DGKH: variants seen among roughly 807,000 people sequenced by gnomAD.
DGKH encodes the protein diacylglycerol kinase eta.
A neutral mutation model predicts 159.3 loss-of-function variants in DGKH; 90 were observed. The observed-to-expected ratio is 0.57, with a 90% CI of 0.48 to 0.67. The LOEUF is 0.67. Among genes scored for constraint, DGKH ranks in the 30% least tolerant of loss-of-function variants. The pLI is 0.00. For missense variants in DGKH, 1,181 were observed against 1,506.1 expected (o/e 0.78, Z 3.57); for synonymous variants, 536 against 553.8 (o/e 0.97, Z 0.45).
rs562261930 is a variant in DGKH, at chr13:42,210,720, C to T, written c.2969C>T (p.Ser990Leu). 2.5e-5 allele frequency: 41 copies of T among 1,612,368 alleles called. No individual in the cohort carries two copies. The East Asian group carries it at 6.9e-4, about 27-fold the overall frequency. ...HAIDLATEEV[S>L]QMQLCSQAAE... is the part of the protein sequence containing the mutation. ...ATTGACTTGGCAACAGAAGAGGTGT[C>T]GCAGATGCAGCTATGCTCCCAGGCT... The change falls in exon 24 of 30, where the codon TCG (serine) becomes TTG (leucine). Residue 990 changes from serine (S) to leucine (L), a missense_variant. This residue lies in a region of DGKH where 335 missense variants were observed against 495.2 expected (regional missense o/e 0.68). Transcript: ENST00000337343.
chr13:42,245,832 C>T (rs777784970), downstream of DGKH, among the ~76,000 whole-genome samples: 1 of 152,188 alleles, frequency 6.6e-6, no homozygotes, highest in Non-Finnish European at 1.5e-5. Context: ...ATCCGCCTGC[C>T]TCAGCCTCCC....
chr13:42,083,586 G>A (rs1220206505), intron 1 of DGKH, among the ~76,000 whole-genome samples: 2 of 152,182 alleles, frequency 1.3e-5, no homozygotes, highest in Non-Finnish European at 2.9e-5. Flanking sequence ...CTGCCCTGGG[G>A]TATAGCGGAA....
At chr13:42,256,064 G>GGCCCAGGTC in intron 30 of DGKH, 1 of 1,327,950 alleles carries the variant, frequency 7.5e-7, no homozygotes, top group Non-Finnish European at 1.1e-6. Context: ...AGGTCTGGGA[G>GGCCCAGGTC]AACTGATCTT....
intron 3 of DGKH, among the ~76,000 whole-genome samples, chr13:42,129,925 C>G (rs1955255024): frequency 6.6e-6 from 1 of 152,074 alleles, no homozygotes; most frequent in Admixed American, 6.5e-5. Context: ...TTCCATTGTT[C>G]TTGAATATTT....
chr13:42,195,551 A>G (rs1957185988), intron 17 of DGKH, among the ~76,000 whole-genome samples: 1 of 152,200 alleles, frequency 6.6e-6, no homozygotes, highest in South Asian at 2.1e-4. Flanking sequence ...CTGGGAAATT[A>G]TGAGTCGGTA....
At chr13:42,207,373 A>G (rs2138190365) in intron 21 of DGKH, among the ~76,000 whole-genome samples, 1 of 151,476 alleles carries the variant, frequency 6.6e-6, no homozygotes, top group East Asian at 1.9e-4. Context: ...CATTTTTAGT[A>G]GAGACGGGGG....
chr13:42,165,626 T>C lies in DGKH; in HGVS notation c.958+193T>C, dbSNP rs186791444. Among the ~76,000 whole-genome samples, 5 of 152,292 alleles carry C rather than the reference T, an allele frequency of 3.3e-5. No individual in the cohort carries two copies. The East Asian group carries it at 9.6e-4, about 29-fold the overall frequency. ...ATTTAAGTGAAAGTTGTAGAATAGC[T>C]GTTAACATTGGCGAAATTACTGTAT... On this transcript the variant is annotated intron_variant, in intron 8 of 29. Coordinates refer to ENST00000337343, the MANE Select transcript of DGKH (RefSeq NM_178009.5).
chr13:42,207,272 C>T (rs1957530585), intron 21 of DGKH, among the ~76,000 whole-genome samples: 3 of 150,702 alleles, frequency 2.0e-5, no homozygotes, highest in Admixed American at 6.7e-5. Flanking sequence ...TCGCTACAAC[C>T]TCTGCCTCTC....
chr13:42,248,810 A>T (rs1958600291), intron 29 of DGKH, among the ~76,000 whole-genome samples: 1 of 152,022 alleles, frequency 6.6e-6, no homozygotes, highest in African/African-American at 2.4e-5. Context: ...GTAGCCTAGA[A>T]GCAACAGGCT....
At chr13:42,121,056 A>C (rs1471131369) in intron 1 of DGKH, among the ~76,000 whole-genome samples, 1 of 81,128 alleles carries the variant, frequency 1.2e-5, no homozygotes, top group Non-Finnish European at 2.8e-5. Flanking sequence ...GAAAGTAATA[A>C]TATATATTAT....
intron 22 of DGKH, 21 bp downstream of exon 22, chr13:42,209,093 C>G: frequency 6.3e-7 from 1 of 1,593,416 alleles, no homozygotes; most frequent in Non-Finnish European, 8.6e-7. Flanking sequence ...CTCGTCAAAC[C>G]TGACTGCACT....
In DGKH at chr13:42,172,039, A is replaced by G. The variant is rs1861145872; in HGVS notation, c.1368-2021A>G. Among the ~76,000 whole-genome samples, 4 of 152,204 alleles carry G rather than the reference A, an allele frequency of 2.6e-5. No homozygotes were observed. In the South Asian group the frequency reaches 8.3e-4, roughly 32 times the overall value. On this transcript the variant is annotated intron_variant, in intron 11 of 29. Transcript: ENST00000337343. ...GAGACGGGGTTTCACCATGTTAGCC[A>G]GGATGGTCTTGATCTCCTGACCTCG... is the stretch of plus-strand genomic sequence containing the variant.
intron 25 of DGKH, 96 bp downstream of exon 25, chr13:42,214,708 AGT>A: frequency 8.5e-7 from 1 of 1,178,432 alleles, no homozygotes; most frequent in Non-Finnish European, 1.2e-6. Context: ...TGTGACAGAA[AGT>A]TATGTTGTCT....
chr13:42,212,894 C>T (rs1239298379), intron 24 of DGKH, among the ~76,000 whole-genome samples: 3 of 152,082 alleles, frequency 2.0e-5, no homozygotes, highest in African/African-American at 4.8e-5. Flanking sequence ...ACCTTTCATC[C>T]GAGTCTTGAG....
intron 29 of DGKH, among the ~76,000 whole-genome samples, chr13:42,251,677 C>T (rs1171178732): frequency 6.6e-6 from 1 of 152,172 alleles, no homozygotes; most frequent in Non-Finnish European, 1.5e-5. Flanking sequence ...CCCATCCTCT[C>T]CACCTCCACT....
intron 13 of DGKH, among the ~76,000 whole-genome samples, chr13:42,185,623 A>G (rs1956899234): frequency 6.6e-6 from 1 of 152,214 alleles, no homozygotes; most frequent in African/African-American, 2.4e-5. Context: ...TTACAGGAAG[A>G]TGCATCAATG....
intron 24 of DGKH, 89 bp downstream of exon 24, chr13:42,210,854 T>C (rs1470327337): frequency 1.6e-6 from 2 of 1,223,064 alleles, no homozygotes; most frequent in Non-Finnish European, 2.2e-6. Context: ...GTTTCAGTAG[T>C]GGTATCAAAA....
chr13:42,042,391 TTTC>T (rs1880566119), intron 1 of DGKH, among the ~76,000 whole-genome samples: 1 of 152,224 alleles, frequency 6.6e-6, no homozygotes, highest in Admixed American at 6.5e-5. Flanking sequence ...ATAATTTTTT[TTTC>T]TTCTCAAAAG....
At chr13:42,119,715 C>T (rs1193131310) in intron 1 of DGKH, among the ~76,000 whole-genome samples, 1 of 152,112 alleles carries the variant, frequency 6.6e-6, no homozygotes, top group Non-Finnish European at 1.5e-5. Flanking sequence ...AATTTACTAT[C>T]TTAATCATTT....
Sources: allele counts gnomAD v4.1 joint callset (sites outside exome capture counted in the v4.1 genomes callset), GRCh38; gene constraint gnomAD v4.1.1; regional missense constraint gnomAD v4.1.1; transcripts MANE v1.5; gene names NCBI Gene and HGNC (gene_info 2026-07-23, HGNC 2026-07-21).